Variants in KDM5A observed in about 807,000 individuals in gnomAD.
KDM5A encodes the protein lysine demethylase 5A.
Under a neutral mutation model 193.5 loss-of-function variants are expected in KDM5A, and 42 were observed. That is an observed-to-expected ratio of 0.22 (90% CI 0.17 to 0.28). The LOEUF (loss-of-function observed/expected upper bound fraction) is 0.28. Ranked by LOEUF, KDM5A falls within the 10% of genes least tolerant of loss-of-function variation. The pLI, the probability that KDM5A is intolerant of heterozygous loss-of-function variation, is 1.00. For missense variants in KDM5A, 1,692 were observed against 2,055.1 expected (o/e 0.82, Z 3.42); for synonymous variants, 796 against 718.1 (o/e 1.11, Z -1.73).
chr12:384,761 C>T (rs1005564826), intron 2 of KDM5A, among the ~76,000 whole-genome samples: 1 of 152,212 alleles, frequency 6.6e-6, no homozygotes, highest in Non-Finnish European at 1.5e-5. Flanking sequence ...TTCAGTAGAT[C>T]GGATTCTCTT....
rs1280815440 is a variant in KDM5A at position 353,177 on chromosome 12, T to C, written c.1030-853A>G. Among the ~76,000 whole-genome samples the C allele has an allele frequency of 3.3e-5, 5 of 151,962 alleles. No individual in the cohort carries two copies. In the East Asian group the frequency reaches 7.7e-4, roughly 24 times the overall value. ...TGGCCAACATGGTAAACCTTGTCTC[T>C]ACAAAAAATACAAAAATTAGCTGGG... On this transcript the variant is annotated intron_variant, in intron 8 of 27. Transcript: ENST00000399788.
chr12:352,162 T>C (rs905538185), intron 9 of KDM5A, 43 bp downstream of exon 9: 8 of 1,209,690 alleles, frequency 6.6e-6, no homozygotes, highest in African/African-American at 3.2e-5. Flanking sequence ...CTCAGGTAAA[T>C]CTTTGTACCT....
At chr12:330,464 T>C (rs2300130) in intron 13 of KDM5A, among the ~76,000 whole-genome samples, 10,742 of 152,192 alleles carry the variant, frequency 0.071, 851 homozygotes, top group East Asian at 0.35. Context: ...CTAAAAAACT[T>C]AGGCCCAATG....
chr12:293,570 G>A (rs548726829), intron 26 of KDM5A, among the ~76,000 whole-genome samples: 11 of 152,262 alleles, frequency 7.2e-5, no homozygotes, highest in African/African-American at 2.4e-4. Context: ...CTTGAGGTCA[G>A]GAGTTCAAGA....
intron 10 of KDM5A, among the ~76,000 whole-genome samples, chr12:339,336 A>G: frequency 6.6e-6 from 1 of 152,026 alleles, no homozygotes; most frequent in South Asian, 2.1e-4. Context: ...ATAAATTTAT[A>G]TAAAGTATAA....
In KDM5A at chr12:354,239, T is replaced by C. The variant is rs1944201211; in HGVS notation, c.871-5A>G. 6.7e-7 allele frequency: 1 copy of C among 1,489,268 alleles called. No individual in the cohort carries two copies. Among genetic ancestry groups the C allele is most frequent in the Non-Finnish European group, 9.2e-7 (1 of 1,089,758 alleles). The allele number at this position is 1,489,268 out of a possible 1,614,324, so 92.3% of individuals were successfully genotyped here. ...CATACAAACATAGAGATCAACCTGTTAAAAAAAAAATAAATGAAAGTCTAT... is the reference window on the plus strand; with the variant it reads ...CATACAAACATAGAGATCAACCTGTCAAAAAAAAAATAAATGAAAGTCTAT... On this transcript the variant is annotated splice_region_variant and splice_polypyrimidine_tract_variant and intron_variant, in intron 7 of 27. Coordinates refer to ENST00000399788, the MANE Select transcript of KDM5A (RefSeq NM_001042603.3).
intron 3 of KDM5A, among the ~76,000 whole-genome samples, chr12:373,201 G>C (rs916751393): frequency 2.0e-5 from 3 of 152,148 alleles, no homozygotes; most frequent in African/African-American, 2.4e-5. Context: ...GGTAGAATTT[G>C]GCTGTGAATC....
intron 5 of KDM5A, among the ~76,000 whole-genome samples, chr12:358,120 T>C (rs967972190): frequency 6.6e-6 from 1 of 152,056 alleles, no homozygotes; most frequent in African/African-American, 2.4e-5. Flanking sequence ...AATGTTTAAG[T>C]TCTAATACTT....
chr12:335,586 G>T (rs994036329), intron 10 of KDM5A, among the ~76,000 whole-genome samples: 54 of 152,074 alleles, frequency 3.6e-4, no homozygotes, highest in African/African-American at 1.3e-3. Flanking sequence ...TTACTGTTTA[G>T]AAGTTTCTAT....
At position 281,955 on chromosome 12, in the gene KDM5A, C is replaced by T. The variant is rs893970638; in HGVS notation, c.*3501G>A. 1.4e-5 allele frequency: 4 copies of T among 278,592 alleles called. No homozygotes were observed. In the South Asian group the frequency reaches 2.0e-4, roughly 14 times the overall value. The allele number at this position is 278,592 out of a possible 1,614,324, so 17.3% of individuals were successfully genotyped here. On this transcript the variant is annotated 3_prime_UTR_variant, in exon 28 of 28. Transcript: ENST00000399788. ...CAGAAGCGCAGAAGCAAAGCCCAGG[C>T]AGAACCATGCTAACCTTACAGCTCA...
chr12:361,930 T>C (rs1289642160), intron 5 of KDM5A, among the ~76,000 whole-genome samples: 2 of 152,170 alleles, frequency 1.3e-5, no homozygotes, highest in African/African-American at 4.8e-5. Flanking sequence ...AGATAGTCCC[T>C]GATCTGTAGA....
Position 321,023 on chromosome 12 carries a change from C to A in KDM5A, c.2513G>T (p.Cys838Phe). ...AFVQQLFSLP[C>F]VISQARQVKN... is the part of the protein sequence containing the mutation. ...TACTTGCCGAGCTTGGCTGATGACA[C>A]ACGGAAGACTAAAAAGTTGTTGGAC... The change falls in exon 18 of 28, where the codon TGT becomes TTT. Residue 838 changes from cysteine to phenylalanine, a missense_variant. This residue lies in a region of KDM5A where 965 missense variants were observed against 1,061.0 expected (regional missense o/e 0.91). Coordinates refer to ENST00000399788, the MANE Select transcript of KDM5A (RefSeq NM_001042603.3). 1 of 1,614,000 alleles carries A rather than the reference C, an allele frequency of 6.2e-7. No individual in the cohort carries two copies. Among genetic ancestry groups the A allele is most frequent in the East Asian group, 2.2e-5 (1 of 44,876 alleles).
chr12:388,838 G>A (rs1449704394), intron 1 of KDM5A, 89 bp downstream of exon 1: 5 of 1,444,476 alleles, frequency 3.5e-6, no homozygotes, highest in African/African-American at 1.4e-5. Context: ...CATATGAAAC[G>A]AGACAAGGAT....
intron 5 of KDM5A, among the ~76,000 whole-genome samples, chr12:358,706 C>T (rs1455291103): frequency 1.3e-5 from 2 of 152,138 alleles, no homozygotes; most frequent in African/African-American, 2.4e-5. Flanking sequence ...GGCATGATGA[C>T]TCACACTTGT....
chr12:386,910 A>G (rs1944643830), intron 1 of KDM5A, among the ~76,000 whole-genome samples: 1 of 148,668 alleles, frequency 6.7e-6, no homozygotes, highest in Non-Finnish European at 1.5e-5. Context: ...ACCAAGATCA[A>G]AAAAAAAAAA....
At chr12:353,965 G>T in intron 8 of KDM5A, 111 bp downstream of exon 8, 26 of 793,172 alleles carry the variant, frequency 3.3e-5, no homozygotes, top group East Asian at 5.7e-5. Context: ...ACTACATAAT[G>T]AAGACAGAAT....
intron 19 of KDM5A, among the ~76,000 whole-genome samples, chr12:315,841 G>A (rs895633211): frequency 1.3e-5 from 2 of 152,202 alleles, no homozygotes; most frequent in Non-Finnish European, 2.9e-5. Flanking sequence ...TTTGGATACA[G>A]GGACTTTCAG....
rs966096252 is a variant in KDM5A, at chr12:283,114, G to C, written c.*2342C>G. ...TCCTCATGACTCTCCACTGATAGTGGAATAGTTAATGGATGATTAGGAAGG... is the reference window on the plus strand; with the variant it reads ...TCCTCATGACTCTCCACTGATAGTGCAATAGTTAATGGATGATTAGGAAGG... On this transcript the variant is annotated 3_prime_UTR_variant, in exon 28 of 28. Coordinates refer to ENST00000399788, the MANE Select transcript of KDM5A (RefSeq NM_001042603.3). The C allele has an allele frequency of 4.3e-6, 1 of 231,052 alleles. No individual in the cohort carries two copies. The highest frequency in any genetic ancestry group is 2.2e-5 in the African/African-American group (1 of 45,232). 14.3% of individuals were successfully genotyped at this position (231,052 alleles called of 1,614,324 possible). A position where few individuals can be genotyped will look rare whatever the true frequency, so the allele number is the denominator to read the frequency against.
chr12:345,133 AACAG>A (rs1159985460), intron 10 of KDM5A, among the ~76,000 whole-genome samples: 1 of 152,222 alleles, frequency 6.6e-6, no homozygotes, highest in East Asian at 1.9e-4. Context: ...TCTCTGATAA[AACAG>A]ACTTTGAACC....
Sources: allele counts gnomAD v4.1 joint callset (sites outside exome capture counted in the v4.1 genomes callset), GRCh38; gene constraint gnomAD v4.1.1; regional missense constraint gnomAD v4.1.1; transcripts MANE v1.5; gene names NCBI Gene and HGNC (gene_info 2026-07-23, HGNC 2026-07-21).